TTC19: variants seen among roughly 807,000 people sequenced by gnomAD.
TTC19 encodes the protein tetratricopeptide repeat domain 19, also known as tetratricopeptide repeat protein 19, mitochondrial.
Under a neutral mutation model 49.5 loss-of-function variants are expected in TTC19, and 38 were observed. The ratio of observed to expected loss-of-function variants is 0.77; its 90% CI spans 0.59 to 1.01. TTC19 has a LOEUF of 1.01. Ranked by LOEUF, TTC19 falls within the 50% of genes least tolerant of loss-of-function variation. The probability of loss-of-function intolerance (pLI) is 0.00; values close to 1 mark genes in which losing one functional copy is unlikely to be tolerated. For missense variants in TTC19, 475 were observed against 477.7 expected (o/e 0.99, Z 0.05); for synonymous variants, 204 against 185.2 (o/e 1.10, Z -0.83).
downstream of TTC19, chr17:16,032,544 A>T: frequency 6.8e-7 from 1 of 1,463,472 alleles, no homozygotes; most frequent in Non-Finnish European, 9.2e-7. Context: ...CATCCAATCC[A>T]ACTTTTGTAG....
intron 2 of TTC19, among the ~76,000 whole-genome samples, chr17:16,035,527 GTTC>G (rs1974227707): frequency 1.5e-5 from 2 of 133,388 alleles, no homozygotes; most frequent in South Asian, 2.4e-4. Context: ...TAGTTCTCTT[GTTC>G]TTTTTTTTTT....
chr17:15,999,855 C>A lies in TTC19; in HGVS notation c.7C>A (p.Arg3=). 6.6e-7 allele frequency: 1 copy of A among 1,515,046 alleles called. No individual in the cohort carries two copies. Among genetic ancestry groups the A allele is most frequent in the East Asian group, 2.6e-5 (1 of 39,166 alleles). The allele number at this position is 1,515,046 out of a possible 1,614,324, so 93.9% of individuals were successfully genotyped here. The change falls in exon 1 of 10, where the codon CGG becomes AGG. Residue 3 remains arginine, a synonymous_variant. Transcript: ENST00000261647. MF[R]LLSWSLGRGF... is the part of the protein sequence containing the mutation. ...CAGAGGACGCGGCGGGAGCATGTTC[C>A]GGCTCCTGAGCTGGAGCCTGGGCCG...
At chr17:16,031,859 T>C (rs748718494), downstream of TTC19, 27 of 233,968 alleles carry the variant, frequency 1.2e-4, no homozygotes, top group South Asian at 1.2e-3. Context: ...AAAAGATAGA[T>C]AGACAAAAAG....
intron 2 of TTC19, among the ~76,000 whole-genome samples, chr17:16,044,113 G>A (rs1388744567): frequency 2.1e-5 from 3 of 143,586 alleles, no homozygotes; most frequent in East Asian, 2.0e-4. Flanking sequence ...AGGTTGCGGT[G>A]AGCCGAGATC....
intron 7 of TTC19, among the ~76,000 whole-genome samples, chr17:16,008,200 C>T (rs1197519374): frequency 6.6e-6 from 1 of 152,154 alleles, no homozygotes; most frequent in East Asian, 1.9e-4. Context: ...TACCTTCAGC[C>T]CCAACTTGCC....
rs778536669 is a variant in TTC19 at position 16,029,398 on chromosome 17, A to C, written c.*1876A>C. The C allele has an allele frequency of 6.0e-6, 2 of 331,436 alleles. No homozygotes were observed. Among genetic ancestry groups the C allele is most frequent in the Non-Finnish European group, 1.2e-5 (2 of 169,118 alleles). 20.5% of individuals were successfully genotyped at this position (331,436 alleles called of 1,614,324 possible). A position where few individuals can be genotyped will look rare whatever the true frequency, so the allele number is the denominator to read the frequency against. ...TAAAATCGTGTCATTAAAATTTTTT[A>C]ACTGTCCAATGGTCACTGGAGTTTT... On this transcript the variant is annotated 3_prime_UTR_variant, in exon 10 of 10. Transcript: ENST00000261647.
intron 7 of TTC19, chr17:16,023,865 ATG>A (rs1971460227): frequency 1.3e-5 from 2 of 152,216 alleles, no homozygotes; most frequent in Admixed American, 6.5e-5. Context: ...CTTAAACTCT[ATG>A]CCACTTGTAA....
rs147068180 is a variant in TTC19, at chr17:16,004,412, G to T, written c.581+150G>T. The T allele has an allele frequency of 3.8e-5, 31 of 813,392 alleles. 1 individual carries two copies. The African/African-American group carries it at 5.3e-4, about 14-fold the overall frequency. The allele number at this position is 813,392 out of a possible 1,614,324, so 50.4% of individuals were successfully genotyped here. A position where few individuals can be genotyped will look rare whatever the true frequency, so the allele number is the denominator to read the frequency against. On this transcript the variant is annotated intron_variant, in intron 6 of 9. Transcript: ENST00000261647. ...CCATCCCTCATCTTTGAAATTGTCA[G>T]TCTTTTTCCAGTTTGCCCCTACTGT...
downstream of TTC19, chr17:16,032,507 T>C: frequency 6.4e-7 from 1 of 1,559,868 alleles, no homozygotes; most frequent in East Asian, 2.3e-5. Context: ...AATTAGGTTT[T>C]CATTGTCATG....
rs1355323664 is a variant in TTC19 at position 16,002,092 on chromosome 17, C to A, written c.423+67C>A. The A allele has an allele frequency of 6.7e-6, 7 of 1,044,472 alleles. No homozygotes were observed. In the South Asian group the frequency reaches 7.5e-5, roughly 11 times the overall value. 64.7% of individuals were successfully genotyped at this position (1,044,472 alleles called of 1,614,324 possible). A position where few individuals can be genotyped will look rare whatever the true frequency, so the allele number is the denominator to read the frequency against. On this transcript the variant is annotated intron_variant, in intron 3 of 9. Coordinates refer to ENST00000261647, the MANE Select transcript of TTC19 (RefSeq NM_017775.4). ...GGATGGGAGGGAAGGGTAGTTAGTT[C>A]TTCTGATTTATATTCCTGACTTTCA...
intron 2 of TTC19, among the ~76,000 whole-genome samples, chr17:16,038,481 G>A (rs2056889150): frequency 1.3e-5 from 2 of 151,568 alleles, no homozygotes; most frequent in South Asian, 2.1e-4. Context: ...TTGTCACCTG[G>A]GCTGGAGTGC....
downstream of TTC19, among the ~76,000 whole-genome samples, chr17:16,032,665 A>C (rs184662766): frequency 4.6e-5 from 7 of 152,358 alleles, no homozygotes; most frequent in Non-Finnish European, 8.8e-5. Flanking sequence ...CCAATGATAT[A>C]TAGCAGTCAG....
At chr17:16,026,287 A>T (rs1398516224) in intron 8 of TTC19, among the ~76,000 whole-genome samples, 1 of 152,186 alleles carries the variant, frequency 6.6e-6, no homozygotes, top group African/African-American at 2.4e-5. Flanking sequence ...AATTAGTTGG[A>T]TTAATAAGCA....
At position 16,028,258 on chromosome 17, in the gene TTC19, A is replaced by C; in HGVS notation, c.*736A>C. ...AACACTCTACTTCCTTTGCAGCCTT[A>C]GTCACACAACTGAGTCATCTCAAGT... is the stretch of plus-strand genomic sequence containing the variant. On this transcript the variant is annotated 3_prime_UTR_variant, in exon 10 of 10. Transcript: ENST00000261647. The C allele has an allele frequency of 2.2e-6, 1 of 454,110 alleles. No individual in the cohort carries two copies. Among genetic ancestry groups the C allele is most frequent in the South Asian group, 1.6e-5 (1 of 64,476 alleles). 28.1% of individuals were successfully genotyped at this position (454,110 alleles called of 1,614,324 possible).
At position 16,006,549 on chromosome 17, in the gene TTC19, A is replaced by G. The variant is rs1970914607; in HGVS notation, c.657A>G (p.Leu219=). The G allele has an allele frequency of 6.2e-7, 1 of 1,611,066 alleles. No homozygotes were observed. Among genetic ancestry groups the G allele is most frequent in the Non-Finnish European group, 8.5e-7 (1 of 1,177,334 alleles). Residue 219 remains leucine (L), a synonymous_variant, in exon 7 of 10, where the codon TTA becomes TTG. Coordinates refer to ENST00000261647, the MANE Select transcript of TTC19 (RefSeq NM_017775.4). ...LEEKIEREKE[L]AEDIMSVEEK... The stretch of plus-strand genomic sequence containing the variant: ...AAAAAATTGAAAGAGAAAAGGAATT[A>G]GCAGAAGACATTATGTCAGGTAGGA...
rs1439634434 is a variant in TTC19 at position 16,004,114 on chromosome 17, G to A, written c.520-87G>A. ...AAAAGAATAAAGACTGTGGCTTTGAGGCCACCGTCAGTCTGGAAGTTGATC... is the reference window on the plus strand; with the variant it reads ...AAAAGAATAAAGACTGTGGCTTTGAAGCCACCGTCAGTCTGGAAGTTGATC... On this transcript the variant is annotated intron_variant, in intron 5 of 9. Transcript: ENST00000261647. 5 of 1,333,874 alleles carry A rather than the reference G, an allele frequency of 3.7e-6. No individual in the cohort carries two copies. In the African/African-American group the frequency reaches 4.3e-5, roughly 12 times the overall value. The allele number at this position is 1,333,874 out of a possible 1,614,324, so 82.6% of individuals were successfully genotyped here.
At chr17:16,010,769 G>A (rs1485251759) in intron 7 of TTC19, among the ~76,000 whole-genome samples, 2 of 152,182 alleles carry the variant, frequency 1.3e-5, no homozygotes, top group Non-Finnish European at 1.5e-5. Flanking sequence ...ACTGTGCCCG[G>A]CCCCTATTTT....
exon 3 of TTC19, chr17:16,044,969 A>T: frequency 3.6e-6 from 2 of 550,076 alleles, no homozygotes; most frequent in Non-Finnish European, 3.3e-6. Flanking sequence ...TAAATTTCTT[A>T]TAACGTGTTC....
chr17:16,001,333 A>G (rs1240833340), intron 2 of TTC19, among the ~76,000 whole-genome samples: 2 of 151,982 alleles, frequency 1.3e-5, no homozygotes, highest in Non-Finnish European at 2.9e-5. Context: ...CTCCCTTCAC[A>G]TCTATTTCTT....
Sources: allele counts gnomAD v4.1 joint callset (sites outside exome capture counted in the v4.1 genomes callset), GRCh38; gene constraint gnomAD v4.1.1; transcripts MANE v1.5; gene names NCBI Gene and HGNC (gene_info 2026-07-23, HGNC 2026-07-21).